Variants in FBXW7 observed in about 807,000 individuals in gnomAD.
The protein encoded by FBXW7 is F-box and WD repeat domain containing 7, also known as F-box/WD repeat-containing protein 7.
In FBXW7, 11 loss-of-function variants were observed where a neutral mutation model predicts 86.3. That is an observed-to-expected ratio of 0.13 (90% CI 0.08 to 0.21). FBXW7 has a LOEUF of 0.21. FBXW7 is among the 10% of genes least tolerant of loss of function. The probability of loss-of-function intolerance (pLI) is 1.00; values close to 1 mark genes in which losing one functional copy is unlikely to be tolerated. For synonymous variants in FBXW7, 313 were observed against 297.9 expected (o/e 1.05, Z -0.52); for missense variants, 488 against 847.4 (o/e 0.58, Z 5.27).
intron 2 of FBXW7, among the ~76,000 whole-genome samples, chr4:152,412,951 G>C (rs1027505281): frequency 2.0e-5 from 3 of 151,914 alleles, no homozygotes; most frequent in African/African-American, 7.3e-5. Context: ...AATTTTATCT[G>C]ATACAGCATC....
At chr4:152,494,291 G>A (rs192296446) in intron 2 of FBXW7, among the ~76,000 whole-genome samples, 3 of 152,212 alleles carry the variant, frequency 2.0e-5, no homozygotes, top group East Asian at 1.9e-4. Flanking sequence ...CAAGTACTCC[G>A]GTTTTCACTG....
intron 1 of FBXW7, 21 bp from the exon 2 acceptor site, chr4:152,535,054 G>C (rs570804767): frequency 6.6e-6 from 1 of 152,466 alleles, no homozygotes; most frequent in Non-Finnish European, 1.5e-5. Context: ...AGCGGTGCTC[G>C]TGTCGCTAAA....
intron 4 of FBXW7, among the ~76,000 whole-genome samples, chr4:152,364,073 G>A (rs758952392): frequency 2.0e-5 from 3 of 152,148 alleles, no homozygotes; most frequent in Non-Finnish European, 4.4e-5. Flanking sequence ...AGCTAATTGT[G>A]TACTGTGATA....
chr4:152,386,451 CATT>C (rs1267825280), intron 4 of FBXW7, among the ~76,000 whole-genome samples: 32 of 152,064 alleles, frequency 2.1e-4, no homozygotes, highest in African/African-American at 6.5e-4. Context: ...ATTAAACTGT[CATT>C]ATGATTACTA....
chr4:152,327,875 A>G (rs1250086337), intron 11 of FBXW7, among the ~76,000 whole-genome samples: 1 of 151,926 alleles, frequency 6.6e-6, no homozygotes, highest in Non-Finnish European at 1.5e-5. Flanking sequence ...TTGCGGAAAT[A>G]AGAATATCAA....
intron 4 of FBXW7, among the ~76,000 whole-genome samples, chr4:152,387,037 T>C (rs996354475): frequency 6.6e-6 from 1 of 152,202 alleles, no homozygotes; most frequent in African/African-American, 2.4e-5. Flanking sequence ...AGCCACAGCA[T>C]ATGAGCAGCA....
At chr4:152,353,595 G>A (rs888817914) in intron 4 of FBXW7, among the ~76,000 whole-genome samples, 1 of 152,182 alleles carries the variant, frequency 6.6e-6, no homozygotes, top group African/African-American at 2.4e-5. Flanking sequence ...GTGCTGGCTG[G>A]AGAGGCTTAC....
intron 2 of FBXW7, among the ~76,000 whole-genome samples, chr4:152,466,745 A>G (rs533286702): frequency 1.3e-5 from 2 of 152,176 alleles, no homozygotes; most frequent in Non-Finnish European, 2.9e-5. Context: ...GATCGAGACC[A>G]TCCTGGCTAA....
rs1482980246 is a variant in FBXW7 at position 152,322,377 on chromosome 4, G to A, written c.*504C>T. 4.5e-6 allele frequency: 1 copy of A among 224,426 alleles called. No homozygotes were observed. The highest frequency in any genetic ancestry group is 8.8e-6 in the Non-Finnish European group (1 of 113,900). 13.9% of individuals were successfully genotyped at this position (224,426 alleles called of 1,614,324 possible). ...GATAACTGTACAAAAACAATTCACAGTAATTTTTTTAAGCTTTTCCACTCC... is the reference window on the plus strand; with the variant it reads ...GATAACTGTACAAAAACAATTCACAATAATTTTTTTAAGCTTTTCCACTCC... On this transcript the variant is annotated 3_prime_UTR_variant, in exon 14 of 14. Transcript: ENST00000281708.
At chr4:152,456,276 G>A (rs1742403313) in intron 2 of FBXW7, among the ~76,000 whole-genome samples, 1 of 151,246 alleles carries the variant, frequency 6.6e-6, no homozygotes, top group African/African-American at 2.4e-5. Context: ...CACTTCTGGA[G>A]GCTGAAGTGG....
intron 4 of FBXW7, among the ~76,000 whole-genome samples, chr4:152,379,108 T>C (rs1026697827): frequency 6.6e-6 from 1 of 152,144 alleles, no homozygotes; most frequent in East Asian, 1.9e-4. Context: ...AGGTAAGCTA[T>C]CTAGTGCCAT....
At chr4:152,443,119 G>A (rs1019577461) in intron 2 of FBXW7, among the ~76,000 whole-genome samples, 12 of 151,960 alleles carry the variant, frequency 7.9e-5, no homozygotes, top group South Asian at 4.1e-4. Context: ...AAAATTAGCC[G>A]GGCGTGGTGG....
chr4:152,530,228 A>T (rs1474006620), intron 2 of FBXW7: 3 of 152,168 alleles, frequency 2.0e-5, no homozygotes, highest in Non-Finnish European at 4.4e-5. Flanking sequence ...TGAAATTAAC[A>T]AAACAAAAAT....
intron 2 of FBXW7, among the ~76,000 whole-genome samples, chr4:152,494,470 A>T (rs552687303): frequency 8.5e-5 from 13 of 152,188 alleles, no homozygotes; most frequent in Non-Finnish European, 1.8e-4. Context: ...ATGAATTTAT[A>T]ATTTTTTTTA....
At chr4:152,454,476 T>A (rs1463217491) in intron 2 of FBXW7, among the ~76,000 whole-genome samples, 1 of 152,104 alleles carries the variant, frequency 6.6e-6, no homozygotes, top group Non-Finnish European at 1.5e-5. Context: ...ATACTAGCAA[T>A]ATAGCATCAG....
intron 2 of FBXW7, among the ~76,000 whole-genome samples, chr4:152,504,745 T>C (rs558623518): frequency 1.3e-5 from 2 of 152,334 alleles, no homozygotes; most frequent in South Asian, 2.1e-4. Context: ...GGTAAAAAGT[T>C]AGTGTTGAAA....
chr4:152,502,733 T>G (rs1747073232), intron 2 of FBXW7, among the ~76,000 whole-genome samples: 1 of 152,160 alleles, frequency 6.6e-6, no homozygotes, highest in Admixed American at 6.5e-5. Context: ...GAAGAAGGTA[T>G]GCTAGAAATT....
intron 6 of FBXW7, among the ~76,000 whole-genome samples, chr4:152,338,572 A>G (rs1203641258): frequency 1.3e-5 from 2 of 152,072 alleles, no homozygotes; most frequent in Admixed American, 6.5e-5. Context: ...CCAAAAGAGG[A>G]TAAGAAAGAG....
chr4:152,414,104 T>G (rs1738225379), intron 2 of FBXW7, among the ~76,000 whole-genome samples: 1 of 152,160 alleles, frequency 6.6e-6, no homozygotes, highest in Non-Finnish European at 1.5e-5. Context: ...TTATGCGTGT[T>G]TCTGCCTAAA....
Sources: gnomAD v4.1 joint callset for allele counts (sites outside exome capture counted in the v4.1 genomes callset) on GRCh38, gnomAD v4.1.1 for gene constraint, MANE v1.5 for transcripts, NCBI Gene and HGNC (gene_info 2026-07-23, HGNC 2026-07-21) for gene names.